Variants in TTLL11 observed in about 807,000 individuals in gnomAD.
TTLL11 encodes the protein tubulin tyrosine ligase like 11.
A neutral mutation model predicts 51.7 loss-of-function variants in TTLL11; 42 were observed. The observed-to-expected ratio is 0.81, with a 90% confidence interval of 0.64 to 1.05. The LOEUF is 1.05. Among genes scored for constraint, TTLL11 ranks in the 50% least tolerant of loss-of-function variants. The pLI, the probability that TTLL11 is intolerant of heterozygous loss-of-function variation, is 0.00. For missense variants in TTLL11, 799 were observed against 940.4 expected, an observed-to-expected ratio of 0.85 and a Z score of 1.97; for synonymous variants, 381 against 383.5, an observed-to-expected ratio of 0.99 and a Z score of 0.08.
intron 3 of TTLL11, among the ~76,000 whole-genome samples, chr9:122,012,701 C>CA (rs1843846202): frequency 2.0e-5 from 3 of 151,824 alleles, no homozygotes; most frequent in African/African-American, 7.3e-5. Flanking sequence ...CACACACACA[C>CA]ACCAAGTTAA....
At position 121,816,351 on chromosome 9, in the gene TTLL11, A is replaced by G. The variant is rs1836404817; in HGVS notation, c.*6236T>C. Reference sequence around the variant, plus strand: ...AAGACTGGGTCCTGGTTGGAATCTTAGCAAACACCTTCATGTTGGAGGACA... The same window carrying G: ...AAGACTGGGTCCTGGTTGGAATCTTGGCAAACACCTTCATGTTGGAGGACA... On this transcript the variant is annotated 3_prime_UTR_variant, in exon 9 of 9. Coordinates refer to ENST00000321582, the MANE Select transcript of TTLL11 (RefSeq NM_001139442.2). The G allele has an allele frequency of 6.6e-6, 1 of 152,192 alleles. No individual in the cohort carries two copies. Among genetic ancestry groups the G allele is most frequent in the South Asian group, 2.1e-4 (1 of 4,828 alleles). The allele number at this position is 152,192 out of a possible 1,614,324, so 9.4% of individuals were successfully genotyped here. A position where few individuals can be genotyped will look rare whatever the true frequency, so the allele number is the denominator to read the frequency against.
chr9:121,930,419 G>A (rs1206776712), intron 6 of TTLL11, among the ~76,000 whole-genome samples: 1 of 152,220 alleles, frequency 6.6e-6, no homozygotes, highest in Non-Finnish European at 1.5e-5. Flanking sequence ...GGAAAGTATA[G>A]ATACAAATTG....
intron 7 of TTLL11, among the ~76,000 whole-genome samples, chr9:121,863,923 AG>A (rs1215996510): frequency 6.6e-6 from 1 of 152,162 alleles, no homozygotes; most frequent in Non-Finnish European, 1.5e-5. Context: ...GGCCCAGTCC[AG>A]GGCTGCAGGA....
At position 121,822,481 on chromosome 9, in the gene TTLL11, G is replaced by A; in HGVS notation, c.*106C>T. ...GACAGTTCGTGGGGACCTCAGCTGG[G>A]CCCCTCGGCAGCCTGCCTGCCATTC... On this transcript the variant is annotated 3_prime_UTR_variant, in exon 9 of 9. Transcript: ENST00000321582. The surrounding 1 kb of genome is among the most constrained non-coding windows in gnomAD (Gnocchi z 5.8). 8.8e-7 allele frequency: 1 copy of A among 1,140,094 alleles called. No homozygotes were observed. Among genetic ancestry groups the A allele is most frequent in the South Asian group, 1.9e-5 (1 of 51,796 alleles). The allele number at this position is 1,140,094 out of a possible 1,614,324, so 70.6% of individuals were successfully genotyped here.
At chr9:121,925,156 T>C (rs148138654) in intron 6 of TTLL11, among the ~76,000 whole-genome samples, 208 of 152,300 alleles carry the variant, frequency 1.4e-3, no homozygotes, top group Middle Eastern at 6.8e-3. Flanking sequence ...AGTTCCAATC[T>C]TCTACCATGA....
chr9:122,077,174 A>G (rs1845885142), intron 1 of TTLL11, among the ~76,000 whole-genome samples: 1 of 152,222 alleles, frequency 6.6e-6, no homozygotes, highest in Non-Finnish European at 1.5e-5. Flanking sequence ...ATGACCCCAG[A>G]AGGTAGGTCT....
intron 6 of TTLL11, among the ~76,000 whole-genome samples, chr9:121,960,953 G>A (rs1200298371): frequency 6.6e-6 from 1 of 152,128 alleles, no homozygotes; most frequent in Non-Finnish European, 1.5e-5. Flanking sequence ...TCTGTGATGA[G>A]GGTTGCAAAG....
chr9:121,895,599 GTGTA>G (rs1007177726), intron 6 of TTLL11, among the ~76,000 whole-genome samples: 9 of 150,542 alleles, frequency 6.0e-5, no homozygotes, highest in Non-Finnish European at 1.0e-4. Flanking sequence ...GTGTGTGGTT[GTGTA>G]TGTGTGTCTG....
chr9:121,832,865 A>G (rs1837062170), intron 8 of TTLL11, among the ~76,000 whole-genome samples: 1 of 152,198 alleles, frequency 6.6e-6, no homozygotes, highest in East Asian at 1.9e-4. Context: ...ACTTTAACCC[A>G]GGAGGCGGAT....
intron 7 of TTLL11, among the ~76,000 whole-genome samples, chr9:121,868,575 AAG>A (rs550234573): frequency 1.3e-5 from 2 of 152,250 alleles, no homozygotes; most frequent in Admixed American, 1.3e-4. Flanking sequence ...TTGTGACCAT[AAG>A]ACAACCCTGA....
intron 1 of TTLL11, among the ~76,000 whole-genome samples, chr9:122,054,640 T>A (rs750619091): frequency 3.3e-5 from 5 of 152,204 alleles, no homozygotes; most frequent in Non-Finnish European, 7.3e-5. Context: ...CATTCCAACA[T>A]AATTCAGCCC....
chr9:122,015,164 G>A (rs1843927152), intron 3 of TTLL11, among the ~76,000 whole-genome samples: 1 of 152,072 alleles, frequency 6.6e-6, no homozygotes, highest in Non-Finnish European at 1.5e-5. Flanking sequence ...TCGTCATTTG[G>A]GCTGTTTAAA....
chr9:122,086,470 C>T (rs1016373143), intron 1 of TTLL11, among the ~76,000 whole-genome samples: 1 of 151,784 alleles, frequency 6.6e-6, no homozygotes, highest in African/African-American at 2.4e-5. Flanking sequence ...GTTGCAATGG[C>T]GGTCATTGAA....
Position 121,844,253 on chromosome 9 carries a change from C to T in TTLL11, c.1840+16084G>A, listed in dbSNP as rs530632475. Among the ~76,000 whole-genome samples the T allele has an allele frequency of 5.3e-5, 8 of 151,650 alleles. No individual in the cohort carries two copies. The East Asian group carries it at 9.7e-4, about 18-fold the overall frequency. On this transcript the variant is annotated intron_variant, in intron 8 of 8. Coordinates refer to ENST00000321582, the MANE Select transcript of TTLL11 (RefSeq NM_001139442.2). Reference sequence around the variant, plus strand: ...TGAGAGAGATCCAAGAAAAAGATTCCATTTAAGGAGTTTTTAAGGAAATAC... The same window carrying T: ...TGAGAGAGATCCAAGAAAAAGATTCTATTTAAGGAGTTTTTAAGGAAATAC...
intron 6 of TTLL11, among the ~76,000 whole-genome samples, chr9:121,921,927 A>T (rs1840560629): frequency 6.6e-6 from 1 of 152,236 alleles, no homozygotes; most frequent in Non-Finnish European, 1.5e-5. Context: ...CTCTGAGCCC[A>T]CGGAGGAACC....
chr9:122,024,381 C>T (rs1256391758), intron 3 of TTLL11, among the ~76,000 whole-genome samples: 1 of 152,112 alleles, frequency 6.6e-6, no homozygotes, highest in Admixed American at 6.5e-5. Context: ...TATATAGATT[C>T]AGCACAATTC....
intron 6 of TTLL11, among the ~76,000 whole-genome samples, chr9:121,925,934 G>C (rs947119112): frequency 3.9e-5 from 6 of 152,206 alleles, no homozygotes; most frequent in African/African-American, 1.4e-4. Context: ...AGAACATAAA[G>C]CATTCATCTT....
chr9:121,838,062 C>T (rs541344485), intron 8 of TTLL11, among the ~76,000 whole-genome samples: 3 of 152,332 alleles, frequency 2.0e-5, no homozygotes, highest in Non-Finnish European at 4.4e-5. Context: ...TCAATGAATC[C>T]ATGCCCTCCA....
intron 8 of TTLL11, among the ~76,000 whole-genome samples, chr9:121,847,207 CAAAAAAA>C (rs56213031): frequency 7.0e-5 from 8 of 113,724 alleles, no homozygotes; most frequent in Non-Finnish European, 9.4e-5. Context: ...GACTCCGTCT[CAAAAAAA>C]AAAAAAAAAA....
Sources: gnomAD v4.1 joint callset for allele counts (sites outside exome capture counted in the v4.1 genomes callset) on GRCh38, gnomAD v4.1.1 for gene constraint, Gnocchi (gnomAD v3.1) non-coding constraint, MANE v1.5 for transcripts, NCBI Gene and HGNC (gene_info 2026-07-23, HGNC 2026-07-21) for gene names.